DOCK9: variants seen among roughly 807,000 people sequenced by gnomAD.
DOCK9 encodes the protein dedicator of cytokinesis protein 9.
Under a neutral mutation model 263.3 loss-of-function variants are expected in DOCK9, and 89 were observed. The observed-to-expected ratio is 0.34, with a 90% CI of 0.28 to 0.40. The LOEUF is 0.40. DOCK9 is among the 10% of genes least tolerant of loss of function. The pLI, the probability that DOCK9 is intolerant of heterozygous loss-of-function variation, is 1.00. For synonymous variants in DOCK9, 976 were observed against 973.1 expected (o/e 1.00, Z -0.06); for missense variants, 2,140 against 2,603.4 (o/e 0.82, Z 3.87).
intron 45 of DOCK9, among the ~76,000 whole-genome samples, chr13:98,812,499 C>T (rs1320972432): frequency 1.3e-5 from 2 of 152,094 alleles, no homozygotes; most frequent in African/African-American, 4.8e-5. Flanking sequence ...TTTTTATTAA[C>T]ATCCGTCTAG....
Position 98,867,505 on chromosome 13 carries a change from C to T in DOCK9, c.3206G>A (p.Arg1069His), listed in dbSNP as rs370027438. The change falls in exon 30 of 53, where the codon CGT (arginine) becomes CAT (histidine). Residue 1069 changes from arginine (R) to histidine (H), a missense_variant. Around this residue, in one of 2 missense-constraint regions of DOCK9, gnomAD observed 1,521 missense variants for 1,741.7 expected, o/e 0.87. Transcript: ENST00000682017. ...TLFEYKFEFL[R>H]VVCNHEHYIP... ...ATAATGTTCATGGTTGCACACTACA[C>T]GGAGAAATTCAAACTTGTATTCAAA... is the stretch of plus-strand genomic sequence containing the variant. 3.8e-5 allele frequency: 62 copies of T among 1,610,808 alleles called. No individual in the cohort carries two copies. The highest frequency in any genetic ancestry group is 1.7e-4 in the Middle Eastern group (1 of 6,048).
chr13:98,937,997 TGGGCCGACCCCTG>T (rs1459450519), intron 2 of DOCK9, among the ~76,000 whole-genome samples: 1 of 152,208 alleles, frequency 6.6e-6, no homozygotes, highest in Non-Finnish European at 1.5e-5. Flanking sequence ...TTTCCTCACC[TGGGCCGACCCCTG>T]GGGCCTCTGG....
chr13:98,832,418 A>C (rs2092801878), intron 39 of DOCK9, among the ~76,000 whole-genome samples: 1 of 152,202 alleles, frequency 6.6e-6, no homozygotes, highest in African/African-American at 2.4e-5. Context: ...CATGAGATCA[A>C]GTGTAGAAAC....
chr13:99,067,972 T>C (rs920471156), intron 1 of DOCK9, among the ~76,000 whole-genome samples: 1 of 150,056 alleles, frequency 6.7e-6, no homozygotes, highest in Non-Finnish European at 1.5e-5. Flanking sequence ...CCCCATCAAA[T>C]AGAGTTCCCT....
rs761709196 is a variant in DOCK9, at chr13:98,829,660, T to C, written c.4732A>G (p.Ser1578Gly). The change falls in exon 42 of 53, where the codon AGT becomes GGT. Residue 1578 changes from serine to glycine, a missense_variant. Coordinates refer to ENST00000682017, the MANE Select transcript of DOCK9 (RefSeq NM_001366683.2). The surrounding 1 kb of genome is among the most constrained non-coding windows in gnomAD (Gnocchi z 4.1). ...SLSIINNCAN[S>G]DRLIKHTSFS... ...CTACCCACCTTAATAAGCCGGTCAC[T>C]GTTGGCACAGTTGTTGATGATGGAC... is the stretch of plus-strand genomic sequence containing the variant. The C allele has an allele frequency of 3.7e-6, 6 of 1,606,870 alleles. No individual in the cohort carries two copies. Among genetic ancestry groups the C allele is most frequent in the Non-Finnish European group, 3.4e-6 (4 of 1,176,486 alleles).
upstream of DOCK9, among the ~76,000 whole-genome samples, chr13:98,980,467 T>G (rs953133107): frequency 1.1e-4 from 16 of 152,242 alleles, no homozygotes; most frequent in African/African-American, 3.4e-4. Context: ...ACCATGATAC[T>G]ATGTTCAAAC....
At position 98,860,494 on chromosome 13, in the gene DOCK9, G is replaced by C. The variant is rs1164084679; in HGVS notation, c.3608C>G (p.Pro1203Arg). ...MTVKDESLAL[P>R]AVNPLVTPQK... Reference sequence around the variant, plus strand: ...CGGCGTCACCAGCGGATTCACAGCTGGTAGAGCCAGGGATTCATCCTTCAC... The same window carrying C: ...CGGCGTCACCAGCGGATTCACAGCTCGTAGAGCCAGGGATTCATCCTTCAC... Residue 1203 changes from proline (P) to arginine (R), a missense_variant, in exon 33 of 53, where the codon CCA (proline) becomes CGA (arginine). By Grantham distance (103) the Pro-to-Arg change is moderately radical. Coordinates refer to ENST00000682017, the MANE Select transcript of DOCK9 (RefSeq NM_001366683.2). 1 of 1,576,310 alleles carries C rather than the reference G, an allele frequency of 6.3e-7. No individual in the cohort carries two copies. Among genetic ancestry groups the C allele is most frequent in the Non-Finnish European group, 8.6e-7 (1 of 1,159,588 alleles).
chr13:98,981,063 T>G (rs572916329), upstream of DOCK9, among the ~76,000 whole-genome samples: 4 of 150,542 alleles, frequency 2.7e-5, no homozygotes, highest in South Asian at 2.1e-4. Flanking sequence ...TGTTTTTTGT[T>G]TTTTTTTTTT....
intron 2 of DOCK9, chr13:98,950,334 C>A (rs2057262569): frequency 1.2e-6 from 1 of 856,952 alleles, no homozygotes; most frequent in Non-Finnish European, 1.9e-6. Flanking sequence ...TCTTCTGCTC[C>A]TTCTTTGCTA....
chr13:98,942,384 A>G (rs181135281), intron 2 of DOCK9, among the ~76,000 whole-genome samples: 1 of 151,334 alleles, frequency 6.6e-6, no homozygotes, highest in Non-Finnish European at 1.5e-5. Flanking sequence ...GACTACAGGC[A>G]CCCGCCACCA....
chr13:98,936,401 C>T (rs149708676), intron 2 of DOCK9, among the ~76,000 whole-genome samples: 2 of 152,176 alleles, frequency 1.3e-5, no homozygotes, highest in African/African-American at 4.8e-5. Flanking sequence ...GGGAGGACTG[C>T]TTGAGACCAG....
In DOCK9 at chr13:98,886,561, G is replaced by A; in HGVS notation, c.2107C>T (p.His703Tyr). Residue 703 changes from histidine (H) to tyrosine (Y), a missense_variant, in exon 19 of 53, where the codon CAT becomes TAT. His to Tyr is a moderately conservative substitution (Grantham distance 83, BLOSUM62 2). This residue lies in a region of DOCK9 where 1,521 missense variants were observed against 1,741.7 expected (regional missense o/e 0.87). Transcript: ENST00000682017. ...TRSAFAAVLHHHQNPEFYDEI... is the reference protein window; with the variant it reads ...TRSAFAAVLHYHQNPEFYDEI... Reference sequence around the variant, plus strand: ...TCATAAAATTCTGGGTTTTGGTGATGGTGTAAAACTGCAGCAAAGGCGCTT... The same window carrying A: ...TCATAAAATTCTGGGTTTTGGTGATAGTGTAAAACTGCAGCAAAGGCGCTT... 1 of 1,613,706 alleles carries A rather than the reference G, an allele frequency of 6.2e-7. No individual in the cohort carries two copies.
chr13:98,990,261 C>T (rs1879488288), intron 1 of DOCK9, among the ~76,000 whole-genome samples: 1 of 152,200 alleles, frequency 6.6e-6, no homozygotes, highest in South Asian at 2.1e-4. Context: ...TCACAATTCA[C>T]TGCAATGAAA....
chr13:98,898,138 C>CT, intron 14 of DOCK9, 41 bp downstream of exon 14: 1 of 1,438,610 alleles, frequency 7.0e-7, no homozygotes. Context: ...ATCCATGCAC[C>CT]TATCTATATC....
At chr13:98,816,959 A>G (rs911193764) in intron 45 of DOCK9, among the ~76,000 whole-genome samples, 2 of 152,162 alleles carry the variant, frequency 1.3e-5, no homozygotes, top group African/African-American at 4.8e-5. Flanking sequence ...TCAAACATAA[A>G]TTAATAATCA....
intron 47 of DOCK9, among the ~76,000 whole-genome samples, chr13:98,808,947 C>A (rs2091013552): frequency 6.6e-6 from 1 of 151,988 alleles, no homozygotes; most frequent in Non-Finnish European, 1.5e-5. Context: ...TTAAAACATG[C>A]AATATAGATA....
Position 98,883,258 on chromosome 13 carries a change from T to G in DOCK9, c.2470-127A>C, listed in dbSNP as rs2045134865. The G allele has an allele frequency of 2.0e-5, 17 of 857,674 alleles. No homozygotes were observed. The South Asian group carries it at 2.9e-4, about 15-fold the overall frequency. The allele number at this position is 857,674 out of a possible 1,614,324, so 53.1% of individuals were successfully genotyped here. On this transcript the variant is annotated intron_variant, in intron 22 of 52. Coordinates refer to ENST00000682017, the MANE Select transcript of DOCK9 (RefSeq NM_001366683.2). ...GTTGTTGTTGTTGTTGTTGTTGCTGTTTTTTTTGAGACAGAGTCTTGCTCT... is the reference window on the plus strand; with the variant it reads ...GTTGTTGTTGTTGTTGTTGTTGCTGGTTTTTTTGAGACAGAGTCTTGCTCT...
intron 1 of DOCK9, among the ~76,000 whole-genome samples, chr13:98,993,259 C>A (rs1477033288): frequency 6.6e-6 from 1 of 152,224 alleles, no homozygotes; most frequent in African/African-American, 2.4e-5. Flanking sequence ...AATATGGTAA[C>A]TTGATCATTA....
intron 1 of DOCK9, among the ~76,000 whole-genome samples, chr13:98,975,234 C>G (rs2060125999): frequency 6.6e-6 from 1 of 151,820 alleles, no homozygotes; most frequent in Non-Finnish European, 1.5e-5. Context: ...CAAAAATTAG[C>G]TGGGCATGGT....
Sources: gnomAD v4.1 joint callset for allele counts (sites outside exome capture counted in the v4.1 genomes callset) on GRCh38, gnomAD v4.1.1 for gene constraint, gnomAD v4.1.1 regional missense constraint, Gnocchi (gnomAD v3.1) non-coding constraint, MANE v1.5 for transcripts, NCBI Gene and HGNC (gene_info 2026-07-23, HGNC 2026-07-21) for gene names.